CPED1: variants seen among roughly 807,000 people sequenced by gnomAD.
The protein encoded by CPED1 is cadherin like and PC-esterase domain containing 1.
A neutral mutation model predicts 128.2 loss-of-function variants in CPED1; 114 were observed. The ratio of observed to expected loss-of-function variants is 0.89; its 90% CI spans 0.76 to 1.04. The LOEUF is 1.04. Among genes scored for constraint, CPED1 ranks in the 50% least tolerant of loss-of-function variants. The pLI is 0.00. For missense variants in CPED1, 1,211 were observed against 1,207.1 expected, an observed-to-expected ratio of 1.00 and a Z score of -0.05; for synonymous variants, 462 against 426.7, an observed-to-expected ratio of 1.08 and a Z score of -1.02.
chr7:121,152,507 A>G (rs1796181540), intron 16 of CPED1, among the ~76,000 whole-genome samples: 1 of 152,228 alleles, frequency 6.6e-6, no homozygotes, highest in African/African-American at 2.4e-5. Flanking sequence ...CTTACTTGTC[A>G]GAGACCTTGT....
chr7:121,023,156 G>T (rs960303920), intron 3 of CPED1, among the ~76,000 whole-genome samples: 20 of 152,220 alleles, frequency 1.3e-4, no homozygotes, highest in Middle Eastern at 3.4e-3. Context: ...CTTCAAGAGG[G>T]TTTATTTCTA....
At chr7:121,253,677 A>G (rs1487111908) in intron 18 of CPED1, among the ~76,000 whole-genome samples, 4 of 152,086 alleles carry the variant, frequency 2.6e-5, no homozygotes, top group Non-Finnish European at 5.9e-5. Flanking sequence ...TCTGTCTTCA[A>G]GAGACCCATC....
chr7:121,211,588 C>A (rs1293875302), intron 16 of CPED1, among the ~76,000 whole-genome samples: 1 of 3,116 alleles, frequency 3.2e-4, no homozygotes, highest in Non-Finnish European at 1.2e-3. Flanking sequence ...TTCTGGAGAT[C>A]AGCTTGAACT....
intron 16 of CPED1, among the ~76,000 whole-genome samples, chr7:121,228,033 G>C (rs531170444): frequency 6.6e-6 from 1 of 151,978 alleles, no homozygotes; most frequent in Non-Finnish European, 1.5e-5. Flanking sequence ...TGTAATCCCA[G>C]AAACTGTAAA....
intron 5 of CPED1, chr7:121,083,582 A>T (rs1760228533): frequency 6.6e-6 from 1 of 152,220 alleles, no homozygotes; most frequent in South Asian, 2.1e-4. Flanking sequence ...TTTCAGAATG[A>T]GTAATTGCTT....
intron 21 of CPED1, among the ~76,000 whole-genome samples, chr7:121,270,027 A>G (rs577522693): frequency 6.6e-6 from 1 of 152,108 alleles, no homozygotes; most frequent in South Asian, 2.1e-4. Flanking sequence ...GGGAGGTGCC[A>G]GACTCTTTTA....
At chr7:121,161,680 A>G (rs1796415143) in intron 16 of CPED1, among the ~76,000 whole-genome samples, 1 of 152,194 alleles carries the variant, frequency 6.6e-6, no homozygotes, top group Admixed American at 6.5e-5. Flanking sequence ...CCTACCATAA[A>G]GAGTGGGAGC....
At chr7:121,252,976 G>T (rs192725588) in intron 18 of CPED1, among the ~76,000 whole-genome samples, 1 of 152,144 alleles carries the variant, frequency 6.6e-6, no homozygotes, top group African/African-American at 2.4e-5. Context: ...ATACCCAGAG[G>T]ATTATAAATC....
intron 14 of CPED1, among the ~76,000 whole-genome samples, chr7:121,138,250 G>C (rs1328014484): frequency 6.6e-6 from 1 of 151,970 alleles, no homozygotes; most frequent in Non-Finnish European, 1.5e-5. Context: ...CATTAAAAGC[G>C]ACCAAAACTT....
At chr7:121,075,734 A>G (rs1476618127) in intron 5 of CPED1, among the ~76,000 whole-genome samples, 4 of 152,126 alleles carry the variant, frequency 2.6e-5, no homozygotes, top group African/African-American at 4.8e-5. Context: ...AACTTTTTGT[A>G]AGATTTATGT....
intron 17 of CPED1, among the ~76,000 whole-genome samples, chr7:121,243,925 T>C (rs1460917141): frequency 6.6e-6 from 1 of 152,198 alleles, no homozygotes; most frequent in African/African-American, 2.4e-5. Flanking sequence ...AAATAGGTAA[T>C]GATTGAGTAA....
At chr7:121,128,612 T>C in intron 11 of CPED1, 126 bp downstream of exon 11, 1 of 597,972 alleles carries the variant, frequency 1.7e-6, no homozygotes, top group Non-Finnish European at 3.0e-6. Context: ...CTTTATAAGC[T>C]ACTTTGCTCT....
At chr7:121,049,670 T>C (rs1468232746) in intron 4 of CPED1, among the ~76,000 whole-genome samples, 1 of 152,208 alleles carries the variant, frequency 6.6e-6, no homozygotes, top group African/African-American at 2.4e-5. Flanking sequence ...TCTAACTGGG[T>C]GTCATGCTGC....
chr7:121,277,736 C>T (rs150288092), intron 22 of CPED1, among the ~76,000 whole-genome samples: 2 of 152,128 alleles, frequency 1.3e-5, no homozygotes, highest in South Asian at 2.1e-4. Flanking sequence ...ATGCAGGTTA[C>T]GTTTTTAACT....
intron 5 of CPED1, among the ~76,000 whole-genome samples, chr7:121,093,839 C>G (rs1794634051): frequency 6.6e-6 from 1 of 152,094 alleles, no homozygotes; most frequent in South Asian, 2.1e-4. Context: ...GGGAGCTCCT[C>G]TACCCCTTGT....
chr7:121,069,087 C>G (rs2116077539), intron 5 of CPED1, among the ~76,000 whole-genome samples: 1 of 152,166 alleles, frequency 6.6e-6, no homozygotes, highest in South Asian at 2.1e-4. Context: ...GGCACTATCT[C>G]TTTTTCAAGG....
chr7:121,282,287 T>C (rs1295724923), intron 22 of CPED1, among the ~76,000 whole-genome samples: 1 of 152,222 alleles, frequency 6.6e-6, no homozygotes, highest in East Asian at 1.9e-4. Context: ...TTTTGTTGTT[T>C]ACTATTATTA....
chr7:121,040,788 T>C (rs955888004), intron 3 of CPED1, among the ~76,000 whole-genome samples: 57 of 152,126 alleles, frequency 3.7e-4, no homozygotes, highest in African/African-American at 1.3e-3. Flanking sequence ...GGAAAAAAAC[T>C]CAGGAAATCA....
rs1562986494 is a variant in CPED1 at position 120,997,942 on chromosome 7, TAAAATAA to T, written c.249+8075_249+8081del. Among the ~76,000 whole-genome samples, 206 of 126,174 alleles carry T rather than the reference TAAAATAA, an allele frequency of 1.6e-3. 2 individuals are homozygous for T. Among genetic ancestry groups the T allele is most frequent in the African/African-American group, 7.2e-3 (198 of 27,510 alleles). 82.8% of individuals were successfully genotyped at this position (126,174 alleles called of 152,430 possible). A position where few individuals can be genotyped will look rare whatever the true frequency, so the allele number is the denominator to read the frequency against. On this transcript the variant is annotated intron_variant, in intron 2 of 22. Coordinates refer to ENST00000310396, the MANE Select transcript of CPED1 (RefSeq NM_024913.5). Reference sequence around the variant, plus strand: ...GGTCTCGAAAAAAAATAAAATAAAATAAAATAAAATAAAATAAAATAAAATAAAATAA... The same window carrying T: ...GGTCTCGAAAAAAAATAAAATAAAATAATAAAATAAAATAAAATAAAATAA...
Sources: gnomAD v4.1 joint callset for allele counts (sites outside exome capture counted in the v4.1 genomes callset) on GRCh38, gnomAD v4.1.1 for gene constraint, MANE v1.5 for transcripts, NCBI Gene and HGNC (gene_info 2026-07-23, HGNC 2026-07-21) for gene names.